Variants in H2AC20 observed in about 807,000 individuals in gnomAD.
The protein encoded by H2AC20 is histone H2A type 2-C.
H2AC20 carries 7 observed loss-of-function variants against 7.1 expected under a neutral mutation model. The observed-to-expected ratio is 0.99, with a 90% CI of 0.56 to 1.85. H2AC20 has a LOEUF of 1.85. Among genes scored for constraint, H2AC20 ranks in the 40% most tolerant of loss-of-function variants. The probability of loss-of-function intolerance (pLI) is 0.00; values close to 1 mark genes in which losing one functional copy is unlikely to be tolerated. For synonymous variants in H2AC20, 97 were observed against 82.2 expected (o/e 1.18, Z -0.98); for missense variants, 127 against 179.6 (o/e 0.71, Z 1.67).
rs1553759953 is a variant in H2AC20, at chr1:149,887,316, C to T, written c.342C>T (p.Ala114=). ...GCGGCGTTTTGCCTAACATCCAGGCCGTTCTGTTACCAAAGAAAACCGAAA... is the reference window on the plus strand; with the variant it reads ...GCGGCGTTTTGCCTAACATCCAGGCTGTTCTGTTACCAAAGAAAACCGAAA... The part of the protein sequence containing the change: ...AQGGVLPNIQ[A]VLLPKKTESH... Residue 114 remains alanine (A), a synonymous_variant, in exon 1 of 1, where the codon GCC becomes GCT. Coordinates refer to ENST00000331380, the MANE Select transcript of H2AC20 (RefSeq NM_003517.3). 4 of 1,613,486 alleles carry T rather than the reference C, an allele frequency of 2.5e-6. No homozygotes were observed. Among genetic ancestry groups the T allele is most frequent in the Non-Finnish European group, 2.5e-6 (3 of 1,179,698 alleles).
At position 149,886,919 on chromosome 1, in the gene H2AC20, A is replaced by G. The variant is rs1487280491; in HGVS notation, c.-56A>G. 4 of 1,612,866 alleles carry G rather than the reference A, an allele frequency of 2.5e-6. No homozygotes were observed. Among genetic ancestry groups the G allele is most frequent in the South Asian group, 2.2e-5 (2 of 91,004 alleles). On this transcript the variant is annotated 5_prime_UTR_variant, in exon 1 of 1. Transcript: ENST00000331380. ...AGGCTTTCCTCTTGGTTCTCTTTCA[A>G]TCTTATTTTGTTGCGAGGTTCTGAG...
rs369845741 is a variant in H2AC20, at chr1:149,887,259, C to G, written c.285C>G (p.Asn95Lys). 2 of 1,614,132 alleles carry G rather than the reference C, an allele frequency of 1.2e-6. No individual in the cohort carries two copies. The highest frequency in any genetic ancestry group is 2.7e-5 in the African/African-American group (2 of 74,956). ...QLAIRNDEEL[N>K]KLLGKVTIAQ... ...CCATCCGCAACGACGAGGAACTGAACAAGCTGCTGGGCAAAGTCACCATCG... is the reference window on the plus strand; with the variant it reads ...CCATCCGCAACGACGAGGAACTGAAGAAGCTGCTGGGCAAAGTCACCATCG... The change falls in exon 1 of 1, where the codon AAC becomes AAG. Residue 95 changes from asparagine to lysine, a missense_variant. Physicochemically the swap from Asn to Lys is moderately conservative, Grantham distance 94. Transcript: ENST00000331380.
rs782145762 is a variant in H2AC20 at position 149,887,392 on chromosome 1, G to C, written c.*28G>C. The C allele has an allele frequency of 3.8e-6, 6 of 1,591,980 alleles. 1 individual carries two copies. The Admixed American group carries it at 9.1e-5, about 24-fold the overall frequency. ...GCAGACAAACAAACCAAGACCAAAG[G>C]CTCTTTTTAGAGCCACCCAAGTTTT... On this transcript the variant is annotated 3_prime_UTR_variant, in exon 1 of 1. Coordinates refer to ENST00000331380, the MANE Select transcript of H2AC20 (RefSeq NM_003517.3).
chr1:149,887,212 A>T lies in H2AC20; in HGVS notation c.238A>T (p.Ile80Phe). The change falls in exon 1 of 1, where the codon ATC (isoleucine) becomes TTC (phenylalanine). Residue 80 changes from isoleucine to phenylalanine, a missense_variant. Physicochemically the swap from Ile to Phe is conservative, Grantham distance 21. Transcript: ENST00000331380. ...TCGGGACAACAAGAAGACGCGCATC[A>T]TCCCTCGTCACCTCCAGCTGGCCAT... ...AARDNKKTRI[I>F]PRHLQLAIRN... 6.2e-7 allele frequency: 1 copy of T among 1,614,140 alleles called. No homozygotes were observed. Among genetic ancestry groups the T allele is most frequent in the Non-Finnish European group, 8.5e-7 (1 of 1,180,022 alleles).
Position 149,887,322 on chromosome 1 carries a change from GTTACCA to G in H2AC20, c.349_354del (p.Leu117_Pro118del). The G allele has an allele frequency of 6.2e-7, 1 of 1,614,096 alleles. No individual in the cohort carries two copies. Among genetic ancestry groups the G allele is most frequent in the Admixed American group, 1.7e-5 (1 of 60,012 alleles). Reference sequence around the variant, plus strand: ...TTTTGCCTAACATCCAGGCCGTTCTGTTACCAAAGAAAACCGAAAGCCACAAAGCCA... The same window carrying G: ...TTTTGCCTAACATCCAGGCCGTTCTGAAGAAAACCGAAAGCCACAAAGCCA... On this transcript the variant is annotated inframe_deletion, in exon 1 of 1. Coordinates refer to ENST00000331380, the MANE Select transcript of H2AC20 (RefSeq NM_003517.3).
Position 149,886,970 on chromosome 1 carries a change from C to G in H2AC20, c.-5C>G, listed in dbSNP as rs144823175. ...CGTTGTCTGTGTTTAACCTTGATTT[C>G]AGTCATGTCTGGTCGTGGCAAACAA... is the stretch of plus-strand genomic sequence containing the variant. On this transcript the variant is annotated 5_prime_UTR_variant, in exon 1 of 1. Coordinates refer to ENST00000331380, the MANE Select transcript of H2AC20 (RefSeq NM_003517.3). 0.02 allele frequency: 31,757 copies of G among 1,614,194 alleles called. 409 individuals carry two copies. The highest frequency in any genetic ancestry group is 0.024 in the Non-Finnish European group (27,938 of 1,180,020).
At position 149,887,178 on chromosome 1, in the gene H2AC20, C is replaced by T. The variant is rs782327716; in HGVS notation, c.204C>T (p.Gly68=). 5.0e-6 allele frequency: 8 copies of T among 1,614,134 alleles called. No individual in the cohort carries two copies. The highest frequency in any genetic ancestry group is 2.2e-5 in the South Asian group (2 of 91,074). Residue 68 remains glycine, a synonymous_variant, in exon 1 of 1, where the codon GGC becomes GGT. Transcript: ENST00000331380. The part of the protein sequence containing the change: ...YLTAEILELA[G]NAARDNKKTR... ...CCGCCGAGATCCTGGAGCTGGCGGGCAACGCGGCTCGGGACAACAAGAAGA... is the reference window on the plus strand; with the variant it reads ...CCGCCGAGATCCTGGAGCTGGCGGGTAACGCGGCTCGGGACAACAAGAAGA...
chr1:149,887,096 C>A lies in H2AC20; in HGVS notation c.122C>A (p.Ala41Glu), dbSNP rs974659430. ...VHRLLRKGNY[A>E]ERVGAGAPVY... ...CGCTTGCTGCGCAAAGGCAACTACG[C>A]GGAGCGGGTGGGGGCCGGCGCGCCC... is the stretch of plus-strand genomic sequence containing the variant. The change falls in exon 1 of 1, where the codon GCG (alanine) becomes GAG (glutamate). Residue 41 changes from alanine (A) to glutamate (E), a missense_variant. Ala to Glu is a moderately radical substitution (Grantham distance 107, BLOSUM62 -1). Coordinates refer to ENST00000331380, the MANE Select transcript of H2AC20 (RefSeq NM_003517.3). The A allele has an allele frequency of 6.2e-7, 1 of 1,613,976 alleles. No individual in the cohort carries two copies. Among genetic ancestry groups the A allele is most frequent in the Non-Finnish European group, 8.5e-7 (1 of 1,179,914 alleles).
rs144823175 is a variant in H2AC20, at chr1:149,886,970, C to T, written c.-5C>T. 2 of 1,614,196 alleles carry T rather than the reference C, an allele frequency of 1.2e-6. No homozygotes were observed. The highest frequency in any genetic ancestry group is 1.1e-5 in the South Asian group (1 of 91,084). Reference sequence around the variant, plus strand: ...CGTTGTCTGTGTTTAACCTTGATTTCAGTCATGTCTGGTCGTGGCAAACAA... The same window carrying T: ...CGTTGTCTGTGTTTAACCTTGATTTTAGTCATGTCTGGTCGTGGCAAACAA... On this transcript the variant is annotated 5_prime_UTR_variant, in exon 1 of 1. Coordinates refer to ENST00000331380, the MANE Select transcript of H2AC20 (RefSeq NM_003517.3).
Position 149,887,402 on chromosome 1 carries a change from G to C in H2AC20, c.*38G>C, listed in dbSNP as rs1191937330. The C allele has an allele frequency of 2.5e-6, 4 of 1,583,706 alleles. No individual in the cohort carries two copies. Among genetic ancestry groups the C allele is most frequent in the Non-Finnish European group, 2.6e-6 (3 of 1,167,378 alleles). On this transcript the variant is annotated 3_prime_UTR_variant, in exon 1 of 1. Coordinates refer to ENST00000331380, the MANE Select transcript of H2AC20 (RefSeq NM_003517.3). Reference sequence around the variant, plus strand: ...AAACCAAGACCAAAGGCTCTTTTTAGAGCCACCCAAGTTTTCAAAAAAAGA... The same window carrying C: ...AAACCAAGACCAAAGGCTCTTTTTACAGCCACCCAAGTTTTCAAAAAAAGA...
chr1:149,886,951 C>T lies in H2AC20; in HGVS notation c.-24C>T, dbSNP rs782483200. 15 of 1,613,954 alleles carry T rather than the reference C, an allele frequency of 9.3e-6. No individual in the cohort carries two copies. The highest frequency in any genetic ancestry group is 4.4e-5 in the South Asian group (4 of 91,080). ...TTTGTTGCGAGGTTCTGAGCGTTGT[C>T]TGTGTTTAACCTTGATTTCAGTCAT... On this transcript the variant is annotated 5_prime_UTR_variant, in exon 1 of 1. Coordinates refer to ENST00000331380, the MANE Select transcript of H2AC20 (RefSeq NM_003517.3).
Sources: gnomAD v4.1 joint callset for allele counts on GRCh38, gnomAD v4.1.1 for gene constraint, MANE v1.5 for transcripts, NCBI Gene and HGNC (gene_info 2026-07-23, HGNC 2026-07-21) for gene names.